The following GUCA1B variants were observed in gnomAD, a reference collection of about 807,000 sequenced individuals.
GUCA1B encodes the protein guanylyl cyclase-activating protein 2.
In GUCA1B, 22 loss-of-function variants were observed where a neutral mutation model predicts 24.2. The observed-to-expected ratio is 0.91, with a 90% CI of 0.65 to 1.30. GUCA1B has a LOEUF of 1.30. GUCA1B is among the 50% of genes most tolerant of loss of function. The pLI is 0.00. For synonymous variants in GUCA1B, 100 were observed against 97.9 expected (o/e 1.02, Z -0.13); for missense variants, 221 against 258.8 (o/e 0.85, Z 1.00).
At chr6:42,192,269 G>A (rs554260548) in intron 1 of GUCA1B, among the ~76,000 whole-genome samples, 9 of 135,532 alleles carry the variant, frequency 6.6e-5, no homozygotes, top group Non-Finnish European at 9.1e-5. Flanking sequence ...CAGGAGAATC[G>A]CTTGAACCTG....
chr6:42,188,917 C>CTATCTATCTATCTATCTATATCA, intron 1 of GUCA1B, among the ~76,000 whole-genome samples, 186 bp from the exon 2 acceptor site: 1 of 146,360 alleles, frequency 6.8e-6, no homozygotes, highest in African/African-American at 2.7e-5. Flanking sequence ...TATATCATCT[C>CTATCTATCTATCTATCTATATCA]TCTCTCTCTC....
At chr6:42,188,064 T>C (rs1768227167) in intron 2 of GUCA1B, among the ~76,000 whole-genome samples, 1 of 151,792 alleles carries the variant, frequency 6.6e-6, no homozygotes, top group African/African-American at 2.4e-5. Flanking sequence ...CAGGTTGTTC[T>C]TGAACACCTG....
rs566086888 is a variant in GUCA1B, at chr6:42,183,854, T to G, written c.*961A>C. Among the ~76,000 whole-genome samples the G allele has an allele frequency of 3.2e-3, 484 of 151,314 alleles. 2 individuals are homozygous for G. The highest frequency in any genetic ancestry group is 0.011 in the African/African-American group (471 of 41,222). ...GGAGTGGTGGGTTGGCAGCAGGGGG[T>G]CCCAGAGCAGCACCCAGGCAGAGCT... is the stretch of plus-strand genomic sequence containing the variant. On this transcript the variant is annotated 3_prime_UTR_variant, in exon 4 of 4. Coordinates refer to ENST00000230361, the MANE Select transcript of GUCA1B (RefSeq NM_002098.6).
At chr6:42,192,406 A>G (rs1269580621) in intron 1 of GUCA1B, among the ~76,000 whole-genome samples, 1 of 137,438 alleles carries the variant, frequency 7.3e-6, no homozygotes. Context: ...AAAAGAAAAG[A>G]AAAAGGAAAA....
chr6:42,189,955 T>C (rs7746021), intron 1 of GUCA1B, among the ~76,000 whole-genome samples: 49,236 of 151,892 alleles, frequency 0.32, 10,631 homozygotes, highest in African/African-American at 0.62. Context: ...AAATCTGAGC[T>C]ATCAGATCCC....
Position 42,189,118 on chromosome 6 carries a change from C to T in GUCA1B, c.208-387G>A, listed in dbSNP as rs922898013. ...TCTCTCTTCTCATTTTCTATGATCA[C>T]CCAAGCCTACCCATCCTTCAAGGCT... On this transcript the variant is annotated intron_variant, in intron 1 of 3. Coordinates refer to ENST00000230361, the MANE Select transcript of GUCA1B (RefSeq NM_002098.6). 2.6e-5 allele frequency among the ~76,000 whole-genome samples: 4 copies of T among 152,216 alleles called. No homozygotes were observed. In the East Asian group the frequency reaches 7.7e-4, roughly 29 times the overall value.
At position 42,184,880 on chromosome 6, in the gene GUCA1B, G is replaced by A. The variant is rs1387427799; in HGVS notation, c.538C>T (p.Leu180=). The A allele has an allele frequency of 2.5e-6, 4 of 1,614,024 alleles. No homozygotes were observed. Among genetic ancestry groups the A allele is most frequent in the South Asian group, 2.2e-5 (2 of 91,082 alleles). ...ARRDKWVMKM[L]QMDMNPSSWL... ...CTGCTGGGATTCATGTCCATCTGCA[G>A]CATCTTCATCACCCACTTGTCCCGA... Residue 180 remains leucine, a synonymous_variant, in exon 4 of 4, where the codon CTG becomes TTG. Coordinates refer to ENST00000230361, the MANE Select transcript of GUCA1B (RefSeq NM_002098.6).
At position 42,184,175 on chromosome 6, in the gene GUCA1B, GC is replaced by G. The variant is rs1209511108; in HGVS notation, c.*639del. Among the ~76,000 whole-genome samples the G allele has an allele frequency of 1.3e-5, 2 of 151,806 alleles. No individual in the cohort carries two copies. Among genetic ancestry groups the G allele is most frequent in the Non-Finnish European group, 2.9e-5 (2 of 67,938 alleles). On this transcript the variant is annotated 3_prime_UTR_variant, in exon 4 of 4. Coordinates refer to ENST00000230361, the MANE Select transcript of GUCA1B (RefSeq NM_002098.6). ...GCAATCTCGGCTCACTGTAGGCTCG[GC>G]CCCCTGGGGTTCACGCCATTCTCTT...
rs767394548 is a variant in GUCA1B, at chr6:42,194,691, G to C, written c.130C>G (p.Arg44Gly). ...TCATCGTCTGTGACCTTGAAGAAGC[G>C]CTTAAACTCATGCATAAAGAGTGTG... ...SGTLFMHEFK[R>G]FFKVTDDEEA... is the part of the protein sequence containing the mutation. Residue 44 changes from arginine (R) to glycine (G), a missense_variant, in exon 1 of 4, where the codon CGC becomes GGC. Coordinates refer to ENST00000230361, the MANE Select transcript of GUCA1B (RefSeq NM_002098.6). 6.2e-7 allele frequency: 1 copy of C among 1,613,368 alleles called. No homozygotes were observed. The highest frequency in any genetic ancestry group is 8.5e-7 in the Non-Finnish European group (1 of 1,179,466).
Position 42,188,470 on chromosome 6 carries a change from G to C in GUCA1B, c.357+112C>G, listed in dbSNP as rs1768235450. The C allele has an allele frequency of 5.7e-6, 5 of 870,432 alleles. No individual in the cohort carries two copies. The East Asian group carries it at 1.3e-4, about 22-fold the overall frequency. 53.9% of individuals were successfully genotyped at this position (870,432 alleles called of 1,614,324 possible). A position where few individuals can be genotyped will look rare whatever the true frequency, so the allele number is the denominator to read the frequency against. On this transcript the variant is annotated intron_variant, in intron 2 of 3. Coordinates refer to ENST00000230361, the MANE Select transcript of GUCA1B (RefSeq NM_002098.6). ...AATGAGAACACAGGAAACACACTCA[G>C]AATGATTTCAAGGCCTCTTCTTCAG... is the stretch of plus-strand genomic sequence containing the variant.
intron 1 of GUCA1B, among the ~76,000 whole-genome samples, chr6:42,191,928 T>C (rs762227080): frequency 7.3e-5 from 11 of 151,072 alleles, no homozygotes; most frequent in Non-Finnish European, 1.6e-4. Flanking sequence ...ATAACTCAGC[T>C]GCAGTCTTCA....
intron 2 of GUCA1B, among the ~76,000 whole-genome samples, chr6:42,187,473 T>C (rs1227919503): frequency 6.7e-6 from 1 of 148,488 alleles, no homozygotes; most frequent in Non-Finnish European, 1.5e-5. Context: ...CAGGCTGGAG[T>C]GCAGTGGCAC....
chr6:42,188,534 G>A, intron 2 of GUCA1B, 48 bp downstream of exon 2: 4 of 1,587,024 alleles, frequency 2.5e-6, no homozygotes, highest in Non-Finnish European at 3.5e-6. Context: ...CAGAGCTCCA[G>A]CAGTGCTCTA....
intron 3 of GUCA1B, among the ~76,000 whole-genome samples, chr6:42,185,225 C>T (rs1768173217): frequency 1.3e-5 from 2 of 152,190 alleles, no homozygotes; most frequent in Admixed American, 6.5e-5. Context: ...AGTGTGTATT[C>T]CAAGCCAGCT....
intron 1 of GUCA1B, among the ~76,000 whole-genome samples, chr6:42,193,533 C>T (rs893382283): frequency 6.6e-5 from 10 of 152,228 alleles, no homozygotes; most frequent in Admixed American, 6.5e-4. Flanking sequence ...GTCTGCCCCT[C>T]CCACCCAGGG....
intron 2 of GUCA1B, among the ~76,000 whole-genome samples, chr6:42,186,004 C>T (rs367742493): frequency 2.6e-5 from 4 of 152,268 alleles, no homozygotes; most frequent in East Asian, 3.9e-4. Flanking sequence ...GCTGAGTTCC[C>T]GGCCTCACAC....
chr6:42,189,404 G>A (rs988389809), intron 1 of GUCA1B, among the ~76,000 whole-genome samples: 3 of 152,206 alleles, frequency 2.0e-5, no homozygotes, highest in African/African-American at 7.2e-5. Context: ...GGCCAGAATT[G>A]TAAGCCAATA....
In GUCA1B at chr6:42,194,779, G is replaced by A. The variant is rs772795655; in HGVS notation, c.42C>T (p.Gly14=). The part of the protein sequence containing the change: ...EFSWEEAEAA[G]EIDVAELQEW... ...CCTGGAGCTCCGCCACATCTATCTC[G>A]CCAGCTGCCTCCGCCTCCTCCCAGC... Residue 14 remains glycine (G), a synonymous_variant, in exon 1 of 4, where the codon GGC becomes GGT. Coordinates refer to ENST00000230361, the MANE Select transcript of GUCA1B (RefSeq NM_002098.6). The A allele has an allele frequency of 9.4e-6, 15 of 1,593,596 alleles. No individual in the cohort carries two copies. The Admixed American group carries it at 1.8e-4, about 19-fold the overall frequency.
intron 2 of GUCA1B, among the ~76,000 whole-genome samples, chr6:42,188,293 CGTGTGTGTGTGTGTGTGT>C (rs151241798): frequency 1.1e-4 from 16 of 143,648 alleles, no homozygotes; most frequent in Non-Finnish European, 1.5e-4. Context: ...AGATACTTGT[CGTGTGTGTGTGTGTGTGT>C]GTGTGTGTGT....
Sources: gnomAD v4.1 joint callset for allele counts (sites outside exome capture counted in the v4.1 genomes callset) on GRCh38, gnomAD v4.1.1 for gene constraint, MANE v1.5 for transcripts, NCBI Gene and HGNC (gene_info 2026-07-23, HGNC 2026-07-21) for gene names.